Variants in NAALADL2 observed in about 807,000 individuals in gnomAD.
NAALADL2 encodes the protein N-acetylated alpha-linked acidic dipeptidase like 2.
NAALADL2 carries 76 observed loss-of-function variants against 87.2 expected under a neutral mutation model. The ratio of observed to expected loss-of-function variants is 0.87; its 90% CI spans 0.72 to 1.05. NAALADL2 has a LOEUF of 1.05. NAALADL2 is among the 50% of genes least tolerant of loss of function. The pLI is 0.00. For synonymous variants in NAALADL2, 354 were observed against 331.0 expected (o/e 1.07, Z -0.75); for missense variants, 1,089 against 945.8 (o/e 1.15, Z -1.99).
chr3:175,031,334 G>A (rs1752773296), intron 1 of NAALADL2, among the ~76,000 whole-genome samples: 1 of 151,964 alleles, frequency 6.6e-6, no homozygotes, highest in Non-Finnish European at 1.5e-5. Flanking sequence ...ATGTTCATGT[G>A]TACTCAATGT....
intron 9 of NAALADL2, among the ~76,000 whole-genome samples, chr3:175,545,516 A>G (rs891437041): frequency 1.3e-5 from 2 of 151,988 alleles, no homozygotes; most frequent in Non-Finnish European, 2.9e-5. Context: ...GTTTGCAGAC[A>G]CTTTCCCCCT....
chr3:175,265,726 G>A lies in NAALADL2; in HGVS notation c.939+9196G>A, dbSNP rs188151104. ...GTAATTAAAATTATAACTGCCCAACGTATATGGTTTTGAAATCAATCAATG... is the reference window on the plus strand; with the variant it reads ...GTAATTAAAATTATAACTGCCCAACATATATGGTTTTGAAATCAATCAATG... On this transcript the variant is annotated intron_variant, in intron 4 of 13. Transcript: ENST00000454872. Among the ~76,000 whole-genome samples, 324 of 151,484 alleles carry A rather than the reference G, an allele frequency of 2.1e-3. 2 individuals are homozygous for A. The highest frequency in any genetic ancestry group is 0.01 in the Middle Eastern group (3 of 286).
chr3:174,983,447 G>A (rs937330818), intron 1 of NAALADL2, among the ~76,000 whole-genome samples: 7 of 152,178 alleles, frequency 4.6e-5, no homozygotes, highest in Admixed American at 3.3e-4. Context: ...CCAATGGGCT[G>A]CTATAACAAA....
chr3:175,529,728 G>A (rs1365338587), intron 9 of NAALADL2, among the ~76,000 whole-genome samples: 3 of 152,180 alleles, frequency 2.0e-5, no homozygotes, highest in Non-Finnish European at 4.4e-5. Flanking sequence ...CGTAAAGTAA[G>A]CACCTTGGTC....
At chr3:174,594,348 G>A (rs1395701919) in intron 2 of NAALADL2, among the ~76,000 whole-genome samples, 1 of 152,042 alleles carries the variant, frequency 6.6e-6, no homozygotes, top group Admixed American at 6.5e-5. Flanking sequence ...CTCCCTCCAA[G>A]CCTTATTTAC....
chr3:175,279,496 TA>T (rs1019136335), intron 4 of NAALADL2, among the ~76,000 whole-genome samples: 6 of 151,708 alleles, frequency 4.0e-5, no homozygotes, highest in African/African-American at 9.7e-5. Flanking sequence ...GTTTTTTTTT[TA>T]AAAAAATCTC....
chr3:175,754,818 G>A (rs1747046954), intron 12 of NAALADL2, among the ~76,000 whole-genome samples: 1 of 152,096 alleles, frequency 6.6e-6, no homozygotes, highest in Non-Finnish European at 1.5e-5. Flanking sequence ...TGACAAGCAA[G>A]TTTTGGTCAA....
intron 1 of NAALADL2, among the ~76,000 whole-genome samples, chr3:175,015,424 G>A (rs1371825633): frequency 2.0e-5 from 3 of 152,062 alleles, no homozygotes; most frequent in Admixed American, 6.6e-5. Context: ...TTAAGCAGTC[G>A]CCGTTTGAGT....
intron 4 of NAALADL2, among the ~76,000 whole-genome samples, chr3:175,284,835 T>C (rs565849903): frequency 6.6e-6 from 1 of 152,216 alleles, no homozygotes; most frequent in East Asian, 1.9e-4. Flanking sequence ...TCTTAGATGA[T>C]TGAATAATCT....
At chr3:174,479,867 T>C (rs1326136915) in intron 1 of NAALADL2, among the ~76,000 whole-genome samples, 1 of 152,046 alleles carries the variant, frequency 6.6e-6, no homozygotes, top group Admixed American at 6.6e-5. Flanking sequence ...AGTACATTGG[T>C]GAATTATCTT....
At chr3:174,922,638 C>G (rs185547159) in intron 1 of NAALADL2, among the ~76,000 whole-genome samples, 37 of 152,264 alleles carry the variant, frequency 2.4e-4, no homozygotes, top group Non-Finnish European at 3.7e-4. Context: ...GTTTGTAAAA[C>G]TTGCTCAGTC....
At chr3:175,191,162 A>G (rs542813721) in intron 2 of NAALADL2, among the ~76,000 whole-genome samples, 128 of 152,238 alleles carry the variant, frequency 8.4e-4, no homozygotes, top group African/African-American at 2.9e-3. Flanking sequence ...ACTATGTGAG[A>G]TGATGAATAT....
chr3:174,975,264 G>T (rs1007238036), intron 1 of NAALADL2, among the ~76,000 whole-genome samples: 1 of 152,066 alleles, frequency 6.6e-6, no homozygotes, highest in Non-Finnish European at 1.5e-5. Context: ...GATTAATAAT[G>T]ATTCTTGACT....
At chr3:175,788,375 G>A (rs1190509510) in intron 13 of NAALADL2, among the ~76,000 whole-genome samples, 3 of 152,018 alleles carry the variant, frequency 2.0e-5, no homozygotes, top group African/African-American at 7.3e-5. Context: ...ATAGGGGTGA[G>A]CCACTGTGCC....
At chr3:174,510,188 G>T (rs1436772688) in intron 1 of NAALADL2, among the ~76,000 whole-genome samples, 5 of 152,148 alleles carry the variant, frequency 3.3e-5, no homozygotes, top group Non-Finnish European at 5.9e-5. Context: ...ATACTGATTT[G>T]TAGTTTTCCT....
chr3:175,295,001 T>C (rs1362409833), intron 4 of NAALADL2, among the ~76,000 whole-genome samples: 1 of 152,198 alleles, frequency 6.6e-6, no homozygotes, highest in Non-Finnish European at 1.5e-5. Context: ...TGTTTTCTCA[T>C]GTTTAAGATG....
chr3:174,876,566 A>G (rs990883737), intron 1 of NAALADL2, among the ~76,000 whole-genome samples: 1 of 152,176 alleles, frequency 6.6e-6, no homozygotes, highest in Non-Finnish European at 1.5e-5. Context: ...ATATTACTGG[A>G]TGACAACTGT....
intron 11 of NAALADL2, among the ~76,000 whole-genome samples, chr3:175,678,136 C>G (rs1196994141): frequency 6.6e-6 from 1 of 152,018 alleles, no homozygotes; most frequent in African/African-American, 2.4e-5. Flanking sequence ...CTTTTTTGTT[C>G]TGTCTCTTAA....
chr3:174,714,720 A>C (rs1731014006), intron 2 of NAALADL2, among the ~76,000 whole-genome samples: 1 of 152,140 alleles, frequency 6.6e-6, no homozygotes, highest in African/African-American at 2.4e-5. Flanking sequence ...GGTTTTCTAG[A>C]TATACAATCA....
Sources: gnomAD v4.1 joint callset for allele counts (sites outside exome capture counted in the v4.1 genomes callset) on GRCh38, gnomAD v4.1.1 for gene constraint, MANE v1.5 for transcripts, NCBI Gene and HGNC (gene_info 2026-07-23, HGNC 2026-07-21) for gene names.